STX2: variants seen among roughly 807,000 people sequenced by gnomAD.
STX2 encodes the protein syntaxin-2.
A neutral mutation model predicts 40.6 loss-of-function variants in STX2; 27 were observed. That is an observed-to-expected ratio of 0.66 (90% CI 0.49 to 0.92). The LOEUF (loss-of-function observed/expected upper bound fraction) is 0.92. Ranked by LOEUF, STX2 falls within the 40% of genes least tolerant of loss-of-function variation. The pLI is 0.00. For synonymous variants in STX2, 123 were observed against 119.1 expected, an observed-to-expected ratio of 1.03 and a Z score of -0.22; for missense variants, 328 against 366.1, an observed-to-expected ratio of 0.90 and a Z score of 0.85.
chr12:130,812,437 C>T (rs1011155766), intron 4 of STX2: 3 of 427,726 alleles, frequency 7.0e-6, no homozygotes, highest in Middle Eastern at 3.4e-4. Flanking sequence ...CTGCACACAT[C>T]TGAAACCTGC....
chr12:130,814,297 C>A (rs984202012), intron 3 of STX2, among the ~76,000 whole-genome samples: 4 of 152,062 alleles, frequency 2.6e-5, no homozygotes, highest in African/African-American at 9.7e-5. Flanking sequence ...AGCGCCAATG[C>A]CACGCAGAGA....
chr12:130,807,632 C>T (rs1951490531), intron 5 of STX2, among the ~76,000 whole-genome samples: 1 of 152,228 alleles, frequency 6.6e-6, no homozygotes, highest in Non-Finnish European at 1.5e-5. Flanking sequence ...GCTCTGTCTT[C>T]CTCTGGGCAG....
At chr12:130,821,642 G>T in intron 3 of STX2, 47 bp downstream of exon 3, 1 of 1,465,378 alleles carries the variant, frequency 6.8e-7, no homozygotes, top group South Asian at 1.1e-5. Flanking sequence ...ACAGCCAGAG[G>T]GACACACAGA....
intron 1 of STX2, among the ~76,000 whole-genome samples, chr12:130,827,849 T>C (rs1593183603): frequency 6.6e-6 from 1 of 152,218 alleles, no homozygotes; most frequent in African/African-American, 2.4e-5. Flanking sequence ...TAGCTGGGCC[T>C]AGTGGCCCAT....
At chr12:130,809,642 C>A (rs1000613539) in intron 4 of STX2, among the ~76,000 whole-genome samples, 2 of 152,074 alleles carry the variant, frequency 1.3e-5, no homozygotes, top group Non-Finnish European at 2.9e-5. Context: ...CATGGTGAAA[C>A]CCTGTCTCTA....
intron 1 of STX2, among the ~76,000 whole-genome samples, chr12:130,837,964 T>A (rs1952801128): frequency 6.6e-6 from 1 of 152,242 alleles, no homozygotes; most frequent in African/African-American, 2.4e-5. Flanking sequence ...GAGCTCCTCA[T>A]CTGAACCACA....
At chr12:130,799,923 A>C (rs1190428111) in intron 8 of STX2, among the ~76,000 whole-genome samples, 1 of 152,184 alleles carries the variant, frequency 6.6e-6, no homozygotes, top group Non-Finnish European at 1.5e-5. Flanking sequence ...GCAGGCAGGA[A>C]CAATCCTGTG....
In STX2 at chr12:130,818,185, A is replaced by AAAAAAAATATATATAT; in HGVS notation, c.205+3503_205+3504insATATATATATTTTTTT. ...GCTGTTTCTACAAAAAAAAAAAAAA[A>AAAAAAAATATATATAT]ATATATATATATATATATATATATA... is the stretch of plus-strand genomic sequence containing the variant. On this transcript the variant is annotated intron_variant, in intron 3 of 10. Coordinates refer to ENST00000392373, the MANE Select transcript of STX2 (RefSeq NM_194356.4). Among the ~76,000 whole-genome samples, 153 of 70,414 alleles carry AAAAAAAATATATATAT rather than the reference A, an allele frequency of 2.2e-3. 1 individual carries two copies. Among genetic ancestry groups the AAAAAAAATATATATAT allele is most frequent in the Non-Finnish European group, 2.7e-3 (118 of 43,664 alleles). 46.2% of individuals were successfully genotyped at this position (70,414 alleles called of 152,430 possible).
chr12:130,832,632 GC>G (rs1952609245), intron 1 of STX2, among the ~76,000 whole-genome samples: 1 of 152,174 alleles, frequency 6.6e-6, no homozygotes, highest in Admixed American at 6.5e-5. Flanking sequence ...ACATGATGAA[GC>G]CTAGAGAGCG....
chr12:130,826,378 C>A (rs763504649), intron 2 of STX2, among the ~76,000 whole-genome samples: 1 of 152,184 alleles, frequency 6.6e-6, no homozygotes, highest in East Asian at 1.9e-4. Context: ...TCTTAAGGGG[C>A]GCCGCAGGAC....
At chr12:130,803,110 G>A (rs1951291680) in intron 6 of STX2, among the ~76,000 whole-genome samples, 1 of 152,202 alleles carries the variant, frequency 6.6e-6, no homozygotes, top group South Asian at 2.1e-4. Flanking sequence ...CAATAAAGTT[G>A]TTGAGATGTC....
intron 5 of STX2, 54 bp downstream of exon 5, chr12:130,808,577 T>TAA: frequency 1.3e-6 from 2 of 1,487,264 alleles, no homozygotes; most frequent in African/African-American, 1.4e-5. Flanking sequence ...AAGAAGAAAG[T>TAA]AAAAACACTT....
chr12:130,809,673 T>C (rs1258966035), intron 4 of STX2, among the ~76,000 whole-genome samples: 1 of 151,968 alleles, frequency 6.6e-6, no homozygotes, highest in Non-Finnish European at 1.5e-5. Flanking sequence ...AAAAATTAGC[T>C]GGGTGTGGTG....
Position 130,818,506 on chromosome 12 carries a change from G to A in STX2, c.205+3183C>T, listed in dbSNP as rs189693715. ...TAAGTGATGCGTCCAAGGCCACACA[G>A]GGATAACCGGTGGGACAGGATCTGA... On this transcript the variant is annotated intron_variant, in intron 3 of 10. Coordinates refer to ENST00000392373, the MANE Select transcript of STX2 (RefSeq NM_194356.4). 6.1e-3 allele frequency among the ~76,000 whole-genome samples: 923 copies of A among 152,244 alleles called. 4 individuals are homozygous for A. The highest frequency in any genetic ancestry group is 0.011 in the Non-Finnish European group (718 of 68,024).
At chr12:130,818,185 A>ATAATATATATATAT (rs1555222352) in intron 3 of STX2, among the ~76,000 whole-genome samples, 2 of 70,588 alleles carry the variant, frequency 2.8e-5, no homozygotes, top group Non-Finnish European at 2.3e-5. Flanking sequence ...AAAAAAAAAA[A>ATAATATATATATAT]ATATATATAT....
chr12:130,797,633 T>A (rs112852615), intron 9 of STX2, among the ~76,000 whole-genome samples: 1 of 152,300 alleles, frequency 6.6e-6, no homozygotes, highest in African/African-American at 2.4e-5. Context: ...TCTCTGTGTA[T>A]TAGCACAAGG....
At chr12:130,834,155 G>A (rs145826657) in intron 1 of STX2, among the ~76,000 whole-genome samples, 22 of 152,182 alleles carry the variant, frequency 1.4e-4, no homozygotes, top group Middle Eastern at 3.4e-3. Flanking sequence ...AGGCCGAGGC[G>A]GGTGGATCAC....
chr12:130,830,578 T>G (rs1952522318), intron 1 of STX2, among the ~76,000 whole-genome samples: 1 of 152,250 alleles, frequency 6.6e-6, no homozygotes, highest in African/African-American at 2.4e-5. Flanking sequence ...TCTTATTTCT[T>G]ATTCTTAAGC....
chr12:130,829,566 G>C (rs1223936596), intron 1 of STX2, among the ~76,000 whole-genome samples: 1 of 152,100 alleles, frequency 6.6e-6, no homozygotes, highest in Non-Finnish European at 1.5e-5. Flanking sequence ...CCTTGCGGGG[G>C]ACCCCCTCTC....
Sources: allele counts gnomAD v4.1 joint callset (sites outside exome capture counted in the v4.1 genomes callset), GRCh38; gene constraint gnomAD v4.1.1; transcripts MANE v1.5; gene names NCBI Gene and HGNC (gene_info 2026-07-23, HGNC 2026-07-21).